DOCK9: variants seen among roughly 807,000 people sequenced by gnomAD.
DOCK9 encodes dedicator of cytokinesis 9, also known as dedicator of cytokinesis protein 9.
A neutral mutation model predicts 263.3 loss-of-function variants in DOCK9; 89 were observed. That is an observed-to-expected ratio of 0.34 (90% CI 0.28 to 0.40). The LOEUF is 0.40. DOCK9 is among the 10% of genes least tolerant of loss of function. The probability of loss-of-function intolerance (pLI) is 1.00; values close to 1 mark genes in which losing one functional copy is unlikely to be tolerated. For missense variants in DOCK9, 2,140 were observed against 2,603.4 expected, an observed-to-expected ratio of 0.82 and a Z score of 3.87; for synonymous variants, 976 against 973.1, an observed-to-expected ratio of 1.00 and a Z score of -0.06.
chr13:99,038,397 TG>T (rs1208770712), intron 1 of DOCK9, among the ~76,000 whole-genome samples: 2 of 142,270 alleles, frequency 1.4e-5, no homozygotes, highest in Admixed American at 1.5e-4. Context: ...CTCTGCCTCC[TG>T]GGTTCAAGCG....
chr13:98,802,473 C>A (rs1352926975), intron 49 of DOCK9, among the ~76,000 whole-genome samples: 2 of 152,184 alleles, frequency 1.3e-5, no homozygotes, highest in African/African-American at 4.8e-5. Flanking sequence ...AGTATGGTGA[C>A]TGCTGGTCTG....
intron 1 of DOCK9, among the ~76,000 whole-genome samples, chr13:99,027,734 A>G (rs953764761): frequency 6.6e-6 from 1 of 152,228 alleles, no homozygotes; most frequent in Non-Finnish European, 1.5e-5. Context: ...TGGAAGGAAG[A>G]GAGGGAGGGA....
chr13:98,853,487 A>G lies in DOCK9; in HGVS notation c.3867T>C (p.Val1289=), dbSNP rs768143635. 6.2e-7 allele frequency: 1 copy of G among 1,613,710 alleles called. No individual in the cohort carries two copies. Among genetic ancestry groups the G allele is most frequent in the African/African-American group, 1.3e-5 (1 of 74,922 alleles). The change falls in exon 35 of 53, where the codon GTT becomes GTC. Residue 1289 remains valine (V), a synonymous_variant. Transcript: ENST00000682017. ...CAGACTGGTCAAGTTTATCACAGCG[A>G]ACCACGGAATTTCCCAATGTGCTAC... is the stretch of plus-strand genomic sequence containing the variant. ...QQSSTLGNSV[V]RCDKLDQSEI...
chr13:98,888,263 A>C (rs201277338), intron 17 of DOCK9, 40 bp from the exon 18 acceptor site: 100 of 1,604,326 alleles, frequency 6.2e-5, no homozygotes, highest in Middle Eastern at 3.3e-4. Flanking sequence ...AAAACAACAG[A>C]AAGTCAGACT....
intron 1 of DOCK9, among the ~76,000 whole-genome samples, chr13:98,976,469 A>T (rs2060290538): frequency 6.6e-6 from 1 of 152,240 alleles, no homozygotes; most frequent in African/African-American, 2.4e-5. Context: ...CAGCTGGAGA[A>T]TCACTGACAG....
At position 98,863,471 on chromosome 13, in the gene DOCK9, C is replaced by T; in HGVS notation, c.3364G>A (p.Gly1122Arg). 1 of 1,613,944 alleles carries T rather than the reference C, an allele frequency of 6.2e-7. No individual in the cohort carries two copies. Among genetic ancestry groups the T allele is most frequent in the South Asian group, 1.1e-5 (1 of 91,072 alleles). ...TCCCGGAACTCCTGGAGGGCTGTCC[C>T]CACCTCCCTCAGTAACAGTCCCACC... is the stretch of plus-strand genomic sequence containing the variant. ...FLVGLLLREV[G>R]TALQEFREVR... Residue 1122 changes from glycine to arginine, a missense_variant, in exon 31 of 53, where the codon GGG becomes AGG. By Grantham distance (125) the Gly-to-Arg change is moderately radical (BLOSUM62 -2). Transcript: ENST00000682017.
At chr13:99,068,514 G>A (rs547862885) in intron 1 of DOCK9, among the ~76,000 whole-genome samples, 7 of 152,250 alleles carry the variant, frequency 4.6e-5, no homozygotes, top group East Asian at 3.9e-4. Flanking sequence ...CCCAGGAGGC[G>A]GAGCCTGCAG....
At chr13:98,946,900 T>C (rs1475547024) in intron 2 of DOCK9, among the ~76,000 whole-genome samples, 1 of 152,164 alleles carries the variant, frequency 6.6e-6, no homozygotes, top group East Asian at 1.9e-4. Context: ...CTTCTCCATT[T>C]CCTGGTTCTT....
At chr13:99,043,410 T>TGCCCCA (rs199666540) in intron 1 of DOCK9, among the ~76,000 whole-genome samples, 4,202 of 152,232 alleles carry the variant, frequency 0.028, 92 homozygotes, top group South Asian at 0.063. Context: ...GAGGCACCCC[T>TGCCCCA]GCCCCAGCCC....
intron 2 of DOCK9, chr13:98,949,981 C>T (rs1301720637): frequency 1.2e-5 from 6 of 494,118 alleles, no homozygotes; most frequent in African/African-American, 9.7e-5. Flanking sequence ...TTGACCTTGG[C>T]TTGTTCATGT....
At chr13:98,888,792 A>T (rs1187344002) in intron 15 of DOCK9, 81 bp from the exon 16 acceptor site, 1 of 1,208,990 alleles carries the variant, frequency 8.3e-7, no homozygotes, top group Non-Finnish European at 1.2e-6. Flanking sequence ...TTCCAAGAGA[A>T]ATATAAAGCA....
intron 1 of DOCK9, among the ~76,000 whole-genome samples, chr13:98,967,476 T>A (rs1162313710): frequency 6.6e-6 from 1 of 152,216 alleles, no homozygotes; most frequent in African/African-American, 2.4e-5. Context: ...TTACTGAAGG[T>A]CACACAGATG....
intron 1 of DOCK9, among the ~76,000 whole-genome samples, chr13:98,992,498 A>C (rs1237682268): frequency 1.3e-5 from 2 of 152,132 alleles, no homozygotes; most frequent in African/African-American, 2.4e-5. Context: ...ATCTCACCTT[A>C]AATTGTAATA....
At chr13:98,950,059 C>A in intron 2 of DOCK9, 1 of 460,812 alleles carries the variant, frequency 2.2e-6, no homozygotes, top group Non-Finnish European at 4.1e-6. Flanking sequence ...CTACTATAAG[C>A]AACATTTTAG....
chr13:98,923,471 A>C, intron 4 of DOCK9, 100 bp from the exon 5 acceptor site: 1 of 932,124 alleles, frequency 1.1e-6, no homozygotes, highest in Non-Finnish European at 1.7e-6. Flanking sequence ...TACTAAATCC[A>C]AAGATGGCCC....
intron 1 of DOCK9, among the ~76,000 whole-genome samples, chr13:98,970,554 A>G (rs562602083): frequency 6.6e-6 from 1 of 152,198 alleles, no homozygotes; most frequent in African/African-American, 2.4e-5. Flanking sequence ...ACAACTCTCC[A>G]TATTAAGGAA....
chr13:99,000,809 A>T (rs1029321900), intron 1 of DOCK9, among the ~76,000 whole-genome samples: 1 of 152,136 alleles, frequency 6.6e-6, no homozygotes, highest in Non-Finnish European at 1.5e-5. Context: ...TTTTTACCAT[A>T]GTGTGATTTT....
At chr13:98,886,685 G>C in intron 18 of DOCK9, 61 bp from the exon 19 acceptor site, 10 of 1,463,444 alleles carry the variant, frequency 6.8e-6, no homozygotes, top group Non-Finnish European at 8.6e-6. Flanking sequence ...ATTAAACTTG[G>C]ATATATCGTA....
rs2139331909 is a variant in DOCK9 at position 98,898,231 on chromosome 13, G to T, written c.1534C>A (p.Gln512Lys). The T allele has an allele frequency of 1.2e-6, 2 of 1,611,950 alleles. No homozygotes were observed. The highest frequency in any genetic ancestry group is 1.3e-5 in the African/African-American group (1 of 75,014). The stretch of plus-strand genomic sequence containing the variant: ...TACTGTCCTAGTCTTTGGCATGCCT[G>T]CTTGGCATTCTTCAGCACCTTCTGG... ...VAQKVLKNAK[Q>K]ACQRLGQYRM... Residue 512 changes from glutamine (Q) to lysine (K), a missense_variant, in exon 14 of 53, where the codon CAG becomes AAG. Physicochemically the swap from Gln to Lys is moderately conservative, Grantham distance 53. Around this residue, in one of 2 missense-constraint regions of DOCK9, gnomAD observed 1,521 missense variants for 1,741.7 expected, o/e 0.87. Transcript: ENST00000682017.
Sources: gnomAD v4.1 joint callset for allele counts (sites outside exome capture counted in the v4.1 genomes callset) on GRCh38, gnomAD v4.1.1 for gene constraint, gnomAD v4.1.1 regional missense constraint, MANE v1.5 for transcripts, NCBI Gene and HGNC (gene_info 2026-07-23, HGNC 2026-07-21) for gene names.